PPARA: variants seen among roughly 807,000 people sequenced by gnomAD.
The protein encoded by PPARA is peroxisome proliferator-activated receptor alpha.
PPARA carries 22 observed loss-of-function variants against 42.2 expected under a neutral mutation model. The observed-to-expected ratio is 0.52, with a 90% CI of 0.37 to 0.74. PPARA has a LOEUF of 0.74. PPARA is among the 30% of genes least tolerant of loss of function. The pLI, the probability that PPARA is intolerant of heterozygous loss-of-function variation, is 0.00. For missense variants in PPARA, 465 were observed against 608.2 expected (o/e 0.76, Z 2.48); for synonymous variants, 242 against 239.3 (o/e 1.01, Z -0.10).
At position 46,211,215 on chromosome 22, in the gene PPARA, T is replaced by C. The variant is rs1164651189; in HGVS notation, c.209-3958T>C. ...GTAGCTGTATGAAGCCAAACATGAG[T>C]GTGTGCTGATGTCTCCAGCCCTCAT... is the stretch of plus-strand genomic sequence containing the variant. On this transcript the variant is annotated intron_variant, in intron 4 of 8. Coordinates refer to ENST00000407236, the MANE Select transcript of PPARA (RefSeq NM_005036.6). This position sits in a 1 kb window ranked among gnomAD's most constrained non-coding sequence, Gnocchi z 4.1. 6.6e-5 allele frequency among the ~76,000 whole-genome samples: 10 copies of C among 152,152 alleles called. No homozygotes were observed.
rs958698311 is a variant in PPARA at position 46,234,690 on chromosome 22, A to G, written c.1160-443A>G. ...GCCTACAAAACCTAGTTCTAACACA[A>G]TCACTCCTTAAATATGGTGGAACAC... On this transcript the variant is annotated intron_variant, in intron 8 of 8. Transcript: ENST00000407236. The surrounding 1 kb of genome is among the most constrained non-coding windows in gnomAD (Gnocchi z 5.8). Among the ~76,000 whole-genome samples, 9 of 152,168 alleles carry G rather than the reference A, an allele frequency of 5.9e-5. No individual in the cohort carries two copies. Among genetic ancestry groups the G allele is most frequent in the African/African-American group, 1.9e-4 (8 of 41,450 alleles).
intron 2 of PPARA, chr22:46,155,688 T>C (rs1925203656): frequency 1.3e-5 from 2 of 152,224 alleles, no homozygotes; most frequent in Admixed American, 1.3e-4. Context: ...TTCAGCCTTA[T>C]GAATTGCCCA....
At chr22:46,207,644 T>TTTA (rs34052175) in intron 4 of PPARA, among the ~76,000 whole-genome samples, 2,332 of 91,484 alleles carry the variant, frequency 0.025, 151 homozygotes, top group Non-Finnish European at 0.033. Context: ...AATTAATTAA[T>TTTA]TTATTATTAT....
At chr22:46,170,986 C>A (rs1462433089) in intron 2 of PPARA, among the ~76,000 whole-genome samples, 1 of 149,606 alleles carries the variant, frequency 6.7e-6, no homozygotes. Flanking sequence ...CATGGCAAAA[C>A]CCTCTCTCTA....
chr22:46,230,404 C>G lies in PPARA; in HGVS notation c.712-1388C>G, dbSNP rs1436363141. On this transcript the variant is annotated intron_variant, in intron 7 of 8. Coordinates refer to ENST00000407236, the MANE Select transcript of PPARA (RefSeq NM_005036.6). This position sits in a 1 kb window ranked among gnomAD's most constrained non-coding sequence, Gnocchi z 5.0. ...AAAGAAATAACACCTTAGCCCACTG[C>G]ATTATTGACCTGTGTCTGCATGAGC... Among the ~76,000 whole-genome samples the G allele has an allele frequency of 1.3e-5, 2 of 152,132 alleles. No individual in the cohort carries two copies. Among genetic ancestry groups the G allele is most frequent in the Non-Finnish European group, 2.9e-5 (2 of 68,022 alleles).
rs2147136436 is a variant in PPARA at position 46,162,618 on chromosome 22, C to T, written c.-127+10648C>T. Among the ~76,000 whole-genome samples, 1 of 152,292 alleles carries T rather than the reference C, an allele frequency of 6.6e-6. No individual in the cohort carries two copies. ...TTGGTGACAGTGGCTCTCCCTGAGA[C>T]CCCGTGAGGCCAGAGTCCTTGGCTC... On this transcript the variant is annotated intron_variant, in intron 2 of 8. Coordinates refer to ENST00000407236, the MANE Select transcript of PPARA (RefSeq NM_005036.6). This position sits in a 1 kb window ranked among gnomAD's most constrained non-coding sequence, Gnocchi z 6.0.
Position 46,204,000 on chromosome 22 carries a change from T to G in PPARA, c.208+5409T>G, listed in dbSNP as rs1569224804. Among the ~76,000 whole-genome samples the G allele has an allele frequency of 6.6e-6, 1 of 152,156 alleles. No homozygotes were observed. Among genetic ancestry groups the G allele is most frequent in the East Asian group, 1.9e-4 (1 of 5,198 alleles). On this transcript the variant is annotated intron_variant, in intron 4 of 8. Transcript: ENST00000407236. This position sits in a 1 kb window ranked among gnomAD's most constrained non-coding sequence, Gnocchi z 5.8. ...ACTTGTGCTGTTTCTAATTCCTCTT[T>G]CCCCAGCCCCGTGCCTCCCTGCCTC...
intron 2 of PPARA, among the ~76,000 whole-genome samples, chr22:46,153,866 A>C (rs1924852945): frequency 1.3e-5 from 2 of 152,160 alleles, no homozygotes; most frequent in Admixed American, 1.3e-4. Context: ...TTCCAAAAAA[A>C]AAAAATTGTA....
chr22:46,191,997 G>A lies in PPARA; in HGVS notation c.-42-6345G>A, dbSNP rs964811930. ...GGAGAATCACTTGAACCCGTGAAACGGAAGTTGCGGTGAGCCGAGATCACG... is the reference window on the plus strand; with the variant it reads ...GGAGAATCACTTGAACCCGTGAAACAGAAGTTGCGGTGAGCCGAGATCACG... On this transcript the variant is annotated intron_variant, in intron 3 of 8. Coordinates refer to ENST00000407236, the MANE Select transcript of PPARA (RefSeq NM_005036.6). This position sits in a 1 kb window ranked among gnomAD's most constrained non-coding sequence, Gnocchi z 4.6. Among the ~76,000 whole-genome samples the A allele has an allele frequency of 1.3e-5, 2 of 152,166 alleles. No homozygotes were observed. Among genetic ancestry groups the A allele is most frequent in the South Asian group, 2.1e-4 (1 of 4,828 alleles).
rs367591497 is a variant in PPARA at position 46,198,497 on chromosome 22, G to C, written c.114G>C (p.Ser38=). The change falls in exon 4 of 9, where the codon TCG becomes TCC. Residue 38 remains serine, a synonymous_variant. Coordinates refer to ENST00000407236, the MANE Select transcript of PPARA (RefSeq NM_005036.6). ...LQEMGNIQEI[S]QSIGEDSSGS... ...AAATGGGAAACATCCAAGAGATTTC[G>C]CAATCCATCGGCGAGGATAGTTCTG... is the stretch of plus-strand genomic sequence containing the variant. The C allele has an allele frequency of 6.2e-7, 1 of 1,613,890 alleles. No homozygotes were observed. The highest frequency in any genetic ancestry group is 8.5e-7 in the Non-Finnish European group (1 of 1,179,970).
Position 46,222,693 on chromosome 22 carries a change from G to C in PPARA, c.711+2679G>C, listed in dbSNP as rs1935098610. 6.6e-6 allele frequency among the ~76,000 whole-genome samples: 1 copy of C among 152,140 alleles called. No individual in the cohort carries two copies. Among genetic ancestry groups the C allele is most frequent in the Non-Finnish European group, 1.5e-5 (1 of 68,034 alleles). On this transcript the variant is annotated intron_variant, in intron 7 of 8. Coordinates refer to ENST00000407236, the MANE Select transcript of PPARA (RefSeq NM_005036.6). This position sits in a 1 kb window ranked among gnomAD's most constrained non-coding sequence, Gnocchi z 5.9. Reference sequence around the variant, plus strand: ...CAAAATTGGGATGGCTAAAACTTTTGTTTGCCAGCTTATATTTCTCCCTTG... The same window carrying C: ...CAAAATTGGGATGGCTAAAACTTTTCTTTGCCAGCTTATATTTCTCCCTTG...
Position 46,167,478 on chromosome 22 carries a change from A to G in PPARA, c.-126-9275A>G, listed in dbSNP as rs1601622090. Among the ~76,000 whole-genome samples, 2 of 151,724 alleles carry G rather than the reference A, an allele frequency of 1.3e-5. No homozygotes were observed. The highest frequency in any genetic ancestry group is 4.8e-5 in the African/African-American group (2 of 41,316). The stretch of plus-strand genomic sequence containing the variant: ...ACCATCCTGGGCAACATAGCGAAAC[A>G]CCGTCTCTACAAAAAAATGAAAAAA... On this transcript the variant is annotated intron_variant, in intron 2 of 8. Transcript: ENST00000407236. This position sits in a 1 kb window ranked among gnomAD's most constrained non-coding sequence, Gnocchi z 4.1.
rs1930934168 is a variant in PPARA at position 46,187,148 on chromosome 22, C to T, written c.-43+10312C>T. The stretch of plus-strand genomic sequence containing the variant: ...GCCTCTCTAGGCACTGCTGCTGCTG[C>T]TAAGAACCCCTGTGAGGTGAACACT... On this transcript the variant is annotated intron_variant, in intron 3 of 8. Coordinates refer to ENST00000407236, the MANE Select transcript of PPARA (RefSeq NM_005036.6). This position sits in a 1 kb window ranked among gnomAD's most constrained non-coding sequence, Gnocchi z 4.9. Among the ~76,000 whole-genome samples the T allele has an allele frequency of 6.6e-6, 1 of 152,202 alleles. No individual in the cohort carries two copies. The highest frequency in any genetic ancestry group is 1.5e-5 in the Non-Finnish European group (1 of 68,036).
chr22:46,208,270 G>C (rs564954193), intron 4 of PPARA, among the ~76,000 whole-genome samples: 1 of 152,122 alleles, frequency 6.6e-6, no homozygotes, highest in South Asian at 2.1e-4. Context: ...ACATGTAAAG[G>C]CTGCTCCTTG....
Position 46,156,706 on chromosome 22 carries a change from A to C in PPARA, c.-127+4736A>C, listed in dbSNP as rs529623261. 1 of 152,208 alleles carries C rather than the reference A, an allele frequency of 6.6e-6. No homozygotes were observed. The highest frequency in any genetic ancestry group is 1.5e-5 in the Non-Finnish European group (1 of 68,110). The allele number at this position is 152,208 out of a possible 1,614,324, so 9.4% of individuals were successfully genotyped here. On this transcript the variant is annotated intron_variant, in intron 2 of 8. Coordinates refer to ENST00000407236, the MANE Select transcript of PPARA (RefSeq NM_005036.6). This position sits in a 1 kb window ranked among gnomAD's most constrained non-coding sequence, Gnocchi z 5.2. ...AACCTCCGCCTCCCGGGTTCAAGCA[A>C]TTCTCCCACCTCAGCCTCCTAAGTA...
chr22:46,158,203 T>C (rs1204006770), intron 2 of PPARA, among the ~76,000 whole-genome samples: 2 of 152,156 alleles, frequency 1.3e-5, no homozygotes, highest in Non-Finnish European at 2.9e-5. Context: ...GGTCAGGAGT[T>C]TGAGACCAGC....
Position 46,235,452 on chromosome 22 carries a change from A to G in PPARA, c.*72A>G, listed in dbSNP as rs1601835158. ...AGCACTACAAAGGAGACGGGGGAGCAGCACGATTTTGCACAAATATCCACC... is the reference window on the plus strand; with the variant it reads ...AGCACTACAAAGGAGACGGGGGAGCGGCACGATTTTGCACAAATATCCACC... On this transcript the variant is annotated 3_prime_UTR_variant, in exon 9 of 9. Coordinates refer to ENST00000407236, the MANE Select transcript of PPARA (RefSeq NM_005036.6). This position sits in a 1 kb window ranked among gnomAD's most constrained non-coding sequence, Gnocchi z 7.0. The G allele has an allele frequency of 6.3e-7, 1 of 1,578,598 alleles. No individual in the cohort carries two copies. The highest frequency in any genetic ancestry group is 1.4e-5 in the African/African-American group (1 of 73,944).
At chr22:46,168,758 A>G (rs1488355862) in intron 2 of PPARA, among the ~76,000 whole-genome samples, 1 of 151,964 alleles carries the variant, frequency 6.6e-6, no homozygotes, top group Non-Finnish European at 1.5e-5. Flanking sequence ...CACCCACAAG[A>G]GTGGCTGTAA....
rs1351588531 is a variant in PPARA, at chr22:46,204,190, A to G, written c.208+5599A>G. Among the ~76,000 whole-genome samples, 7 of 152,244 alleles carry G rather than the reference A, an allele frequency of 4.6e-5. No individual in the cohort carries two copies. Among genetic ancestry groups the G allele is most frequent in the Non-Finnish European group, 8.8e-5 (6 of 68,040 alleles). ...CATCTGCATTGCAGCAAGCATCAATAGTTCATTCTTCATCCATCATGTGGA... is the reference window on the plus strand; with the variant it reads ...CATCTGCATTGCAGCAAGCATCAATGGTTCATTCTTCATCCATCATGTGGA... On this transcript the variant is annotated intron_variant, in intron 4 of 8. Coordinates refer to ENST00000407236, the MANE Select transcript of PPARA (RefSeq NM_005036.6). This position sits in a 1 kb window ranked among gnomAD's most constrained non-coding sequence, Gnocchi z 5.2.
Sources: allele counts gnomAD v4.1 joint callset (sites outside exome capture counted in the v4.1 genomes callset), GRCh38; gene constraint gnomAD v4.1.1; non-coding constraint Gnocchi (gnomAD v3.1); transcripts MANE v1.5; gene names NCBI Gene and HGNC (gene_info 2026-07-23, HGNC 2026-07-21).